The following PPME1 variants were observed in gnomAD, a reference collection of about 807,000 sequenced individuals.
The protein encoded by PPME1 is testicular secretory protein Li 39.
PPME1 carries 17 observed loss-of-function variants against 56.9 expected under a neutral mutation model. The ratio of observed to expected loss-of-function variants is 0.30; its 90% CI spans 0.20 to 0.45. PPME1 has a LOEUF of 0.45. Among genes scored for constraint, PPME1 ranks in the 20% least tolerant of loss-of-function variants. The pLI is 1.00. For synonymous variants in PPME1, 122 were observed against 156.2 expected, an observed-to-expected ratio of 0.78 and a Z score of 1.63; for missense variants, 357 against 483.2, an observed-to-expected ratio of 0.74 and a Z score of 2.45.
In PPME1 at chr11:74,253,644, G is replaced by T; in HGVS notation, c.*134G>T. 1.0e-6 allele frequency: 1 copy of T among 971,400 alleles called. No homozygotes were observed. Among genetic ancestry groups the T allele is most frequent in the Admixed American group, 1.9e-5 (1 of 52,406 alleles). 60.2% of individuals were successfully genotyped at this position (971,400 alleles called of 1,614,324 possible). ...CTGGCTCCCGGTAGACGGGCACCCCGAGATGTACCAACCTTTTCATGTATT... is the reference window on the plus strand; with the variant it reads ...CTGGCTCCCGGTAGACGGGCACCCCTAGATGTACCAACCTTTTCATGTATT... On this transcript the variant is annotated 3_prime_UTR_variant, in exon 14 of 14. Transcript: ENST00000328257.
In PPME1 at chr11:74,222,601, G is replaced by T. The variant is rs749833140; in HGVS notation, c.346+232G>T. 6.2e-4 allele frequency: 283 copies of T among 454,910 alleles called. 2 individuals carry two copies. The highest frequency in any genetic ancestry group is 2.9e-3 in the Admixed American group (82 of 28,646). 28.2% of individuals were successfully genotyped at this position (454,910 alleles called of 1,614,324 possible). A position where few individuals can be genotyped will look rare whatever the true frequency, so the allele number is the denominator to read the frequency against. On this transcript the variant is annotated intron_variant, in intron 4 of 13. Coordinates refer to ENST00000328257, the MANE Select transcript of PPME1 (RefSeq NM_016147.3). ...CCTCCTGGGTTCAAGCAATTATCCT[G>T]CCTCAGTCTCCCCAGTAGCTGGGAT... is the stretch of plus-strand genomic sequence containing the variant.
intron 1 of PPME1, among the ~76,000 whole-genome samples, chr11:74,177,334 T>A (rs1857424756): frequency 6.6e-6 from 1 of 151,728 alleles, no homozygotes; most frequent in Admixed American, 6.6e-5. Context: ...TGGTGGTGTG[T>A]GCCTGTAGTC....
rs77154243 is a variant in PPME1, at chr11:74,251,287, C to G, written c.1074+269C>G. 1.2e-5 allele frequency: 16 copies of G among 1,359,562 alleles called. No individual in the cohort carries two copies. In the East Asian group the frequency reaches 2.7e-4, roughly 23 times the overall value. The allele number at this position is 1,359,562 out of a possible 1,614,324, so 84.2% of individuals were successfully genotyped here. ...CTTAAGCTCTACTTCTCCAATACCC[C>G]CAAAAGCCAGAGATGGAAGAGGGAT... On this transcript the variant is annotated intron_variant, in intron 12 of 13. Coordinates refer to ENST00000328257, the MANE Select transcript of PPME1 (RefSeq NM_016147.3).
At chr11:74,185,029 T>G (rs1857639903) in intron 1 of PPME1, among the ~76,000 whole-genome samples, 1 of 128,968 alleles carries the variant, frequency 7.8e-6, no homozygotes, top group African/African-American at 2.9e-5. Context: ...AGACAGAGTC[T>G]CACTCTGTCA....
At chr11:74,191,098 G>T (rs1421911731) in intron 1 of PPME1, among the ~76,000 whole-genome samples, 1 of 152,224 alleles carries the variant, frequency 6.6e-6, no homozygotes, top group Non-Finnish European at 1.5e-5. Context: ...TGCACTGGGA[G>T]GCCAAAGTGG....
At chr11:74,251,961 C>G (rs1463949176) in intron 13 of PPME1, 3 of 696,528 alleles carry the variant, frequency 4.3e-6, no homozygotes, top group Non-Finnish European at 8.0e-6. Context: ...TCTCACTCCC[C>G]ACTGTGATGT....
chr11:74,195,929 A>G (rs2135610863), intron 1 of PPME1, among the ~76,000 whole-genome samples: 1 of 152,360 alleles, frequency 6.6e-6, no homozygotes, highest in South Asian at 2.1e-4. Flanking sequence ...AGCAAACAAA[A>G]TTAAAAAGAC....
intron 3 of PPME1, among the ~76,000 whole-genome samples, chr11:74,208,892 G>A (rs1858399018): frequency 6.6e-6 from 1 of 152,200 alleles, no homozygotes. Context: ...GTGTAACAGT[G>A]AAATATGTTT....
intron 1 of PPME1, among the ~76,000 whole-genome samples, chr11:74,193,536 A>C (rs1466586782): frequency 6.6e-6 from 1 of 152,218 alleles, no homozygotes; most frequent in Non-Finnish European, 1.5e-5. Flanking sequence ...TGGATGAGGG[A>C]TACTCAACCT....
chr11:74,241,507 T>G (rs1429649425), intron 9 of PPME1, among the ~76,000 whole-genome samples: 1 of 152,234 alleles, frequency 6.6e-6, no homozygotes, highest in Admixed American at 6.5e-5. Context: ...GGTACACAGC[T>G]GGGAGTGGAA....
chr11:74,203,353 G>A (rs898533389), intron 1 of PPME1, among the ~76,000 whole-genome samples: 1 of 152,146 alleles, frequency 6.6e-6, no homozygotes, highest in African/African-American at 2.4e-5. Context: ...ATTAAAGTCA[G>A]TTGGGAGGAT....
At chr11:74,216,234 A>G (rs946010910) in intron 3 of PPME1, among the ~76,000 whole-genome samples, 5 of 152,272 alleles carry the variant, frequency 3.3e-5, no homozygotes, top group Non-Finnish European at 5.9e-5. Context: ...AGGATGGACC[A>G]TGTTAGGTCA....
At chr11:74,193,354 G>C (rs1031765801) in intron 1 of PPME1, among the ~76,000 whole-genome samples, 15 of 152,268 alleles carry the variant, frequency 9.9e-5, no homozygotes, top group African/African-American at 3.6e-4. Context: ...TAAAAACATT[G>C]TTTAAAATTA....
chr11:74,198,238 A>G (rs1018386086), intron 1 of PPME1, among the ~76,000 whole-genome samples: 4 of 152,112 alleles, frequency 2.6e-5, no homozygotes, highest in Non-Finnish European at 4.4e-5. Context: ...ATTGCCTTTG[A>G]AAGGTCATTC....
intron 8 of PPME1, chr11:74,238,047 T>C (rs1391640304): frequency 6.6e-6 from 1 of 152,250 alleles, no homozygotes; most frequent in Non-Finnish European, 1.5e-5. Flanking sequence ...TGTATGTGCA[T>C]GTGTATTAAC....
chr11:74,236,851 A>G (rs1050449014), intron 8 of PPME1, among the ~76,000 whole-genome samples: 2 of 152,246 alleles, frequency 1.3e-5, no homozygotes, highest in South Asian at 2.1e-4. Flanking sequence ...TCACGATGAC[A>G]TTATTACACG....
chr11:74,192,492 A>G (rs1857865486), intron 1 of PPME1, among the ~76,000 whole-genome samples: 1 of 152,064 alleles, frequency 6.6e-6, no homozygotes. Flanking sequence ...AGAAGGGGTG[A>G]TGGTATTTTG....
chr11:74,223,826 G>A (rs1448966218), intron 4 of PPME1, among the ~76,000 whole-genome samples: 3 of 147,320 alleles, frequency 2.0e-5, no homozygotes, highest in African/African-American at 7.6e-5. Flanking sequence ...TGAGTTCATT[G>A]TAGATTCTGG....
chr11:74,205,516 A>G (rs1362894635), intron 3 of PPME1: 1 of 152,286 alleles, frequency 6.6e-6, no homozygotes, highest in African/African-American at 2.4e-5. Context: ...AGCACTAGGT[A>G]CCTGGAGCCA....
Sources: allele counts gnomAD v4.1 joint callset (sites outside exome capture counted in the v4.1 genomes callset), GRCh38; gene constraint gnomAD v4.1.1; transcripts MANE v1.5; gene names NCBI Gene and HGNC (gene_info 2026-07-23, HGNC 2026-07-21).